KCNB2: variants seen among roughly 807,000 people sequenced by gnomAD.
KCNB2 encodes potassium voltage-gated channel subfamily B member 2.
In KCNB2, 15 loss-of-function variants were observed where a neutral mutation model predicts 61.5. That is an observed-to-expected ratio of 0.24 (90% CI 0.16 to 0.38). The LOEUF is 0.38. KCNB2 is among the 10% of genes least tolerant of loss of function. The pLI is 1.00. For missense variants in KCNB2, 828 were observed against 1,125.2 expected, an observed-to-expected ratio of 0.74 and a Z score of 3.78; for synonymous variants, 457 against 446.0, an observed-to-expected ratio of 1.02 and a Z score of -0.31.
intron 1 of KCNB2, among the ~76,000 whole-genome samples, chr8:72,540,542 T>C (rs1191984817): frequency 6.6e-6 from 1 of 152,128 alleles, no homozygotes; most frequent in Non-Finnish European, 1.5e-5. Flanking sequence ...CTAGAGATTA[T>C]GGCCTTGTTA....
chr8:72,719,077 G>C (rs1236563212), intron 2 of KCNB2, among the ~76,000 whole-genome samples: 1 of 150,486 alleles, frequency 6.6e-6, no homozygotes, highest in African/African-American at 2.4e-5. Flanking sequence ...TTTTTTTTTT[G>C]TTTTGTTCTT....
intron 2 of KCNB2, among the ~76,000 whole-genome samples, chr8:72,871,949 C>G (rs796192045): frequency 1.1e-4 from 17 of 152,290 alleles, no homozygotes; most frequent in African/African-American, 4.1e-4. Flanking sequence ...GAATGGCTTC[C>G]ATCATGCAAG....
At chr8:72,917,987 A>G (rs905230563) in intron 2 of KCNB2, among the ~76,000 whole-genome samples, 32 of 152,194 alleles carry the variant, frequency 2.1e-4, no homozygotes, top group Non-Finnish European at 4.1e-4. Context: ...AGGGTATCCA[A>G]GGTAAATAAA....
intron 1 of KCNB2, among the ~76,000 whole-genome samples, chr8:72,563,357 G>A (rs2128978551): frequency 6.6e-6 from 1 of 152,256 alleles, no homozygotes; most frequent in African/African-American, 2.4e-5. Flanking sequence ...GGGCAATGTG[G>A]AACTGAGGTG....
Position 72,869,178 on chromosome 8 carries a change from T to G in KCNB2, c.580-66757T>G, listed in dbSNP as rs189203777. 1.1e-4 allele frequency among the ~76,000 whole-genome samples: 16 copies of G among 152,322 alleles called. 1 individual carries two copies. Among genetic ancestry groups the G allele is most frequent in the African/African-American group, 3.8e-4 (16 of 41,572 alleles). On this transcript the variant is annotated intron_variant, in intron 2 of 2. Coordinates refer to ENST00000523207, the MANE Select transcript of KCNB2 (RefSeq NM_004770.3). Reference sequence around the variant, plus strand: ...GTTGAGTTACCTGCCTTGAGCTTGATGACAGCAACAGGTTTAAGTGGCCTT... The same window carrying G: ...GTTGAGTTACCTGCCTTGAGCTTGAGGACAGCAACAGGTTTAAGTGGCCTT...
At chr8:72,544,007 G>A (rs1165480765) in intron 1 of KCNB2, among the ~76,000 whole-genome samples, 1 of 152,082 alleles carries the variant, frequency 6.6e-6, no homozygotes, top group Non-Finnish European at 1.5e-5. Flanking sequence ...TAAACATTAG[G>A]GACATCCTAT....
chr8:72,934,182 G>C (rs1171760840), intron 2 of KCNB2, among the ~76,000 whole-genome samples: 1 of 151,886 alleles, frequency 6.6e-6, no homozygotes, highest in Non-Finnish European at 1.5e-5. Flanking sequence ...CTGGGCAGCA[G>C]GGCGAAACCC....
chr8:72,798,799 G>A (rs903937082), intron 2 of KCNB2, among the ~76,000 whole-genome samples: 15 of 152,118 alleles, frequency 9.9e-5, no homozygotes, highest in Non-Finnish European at 1.9e-4. Context: ...GGATTAATAC[G>A]AAAAGCCCGA....
At chr8:72,561,068 A>G (rs1469003328) in intron 1 of KCNB2, among the ~76,000 whole-genome samples, 1 of 152,122 alleles carries the variant, frequency 6.6e-6, no homozygotes, top group East Asian at 1.9e-4. Flanking sequence ...TTGCAACACA[A>G]TGCTTCCTTT....
intron 2 of KCNB2, among the ~76,000 whole-genome samples, chr8:72,778,014 T>C (rs1808684706): frequency 6.6e-6 from 1 of 152,214 alleles, no homozygotes. Context: ...GTCTTTTCTT[T>C]AGCATGGGAT....
chr8:72,592,949 A>G (rs1003065070), intron 2 of KCNB2, among the ~76,000 whole-genome samples: 1 of 152,216 alleles, frequency 6.6e-6, no homozygotes, highest in Non-Finnish European at 1.5e-5. Context: ...GTAAGCATTT[A>G]TAAGAGAATC....
At position 72,566,710 on chromosome 8, in the gene KCNB2, CAA is replaced by C. The variant is rs5892353; in HGVS notation, c.-93-918_-93-917del. Among the ~76,000 whole-genome samples the C allele has an allele frequency of 3.1e-3, 428 of 136,190 alleles. 2 individuals are homozygous for C. Among genetic ancestry groups the C allele is most frequent in the African/African-American group, 3.9e-3 (145 of 36,808 alleles). The allele number at this position is 136,190 out of a possible 152,430, so 89.3% of individuals were successfully genotyped here. On this transcript the variant is annotated intron_variant, in intron 1 of 2. Coordinates refer to ENST00000523207, the MANE Select transcript of KCNB2 (RefSeq NM_004770.3). ...TGGGCTACAGAGTGAGACTCTATTT[CAA>C]AAAAAAAAAAAAAGAAAGAAAGGAA...
chr8:72,717,258 A>G (rs1188711497), intron 2 of KCNB2, among the ~76,000 whole-genome samples: 4 of 152,256 alleles, frequency 2.6e-5, no homozygotes, highest in African/African-American at 7.2e-5. Flanking sequence ...TATAGATTCA[A>G]TGCCATCCAC....
chr8:72,576,177 T>G (rs910903295), intron 2 of KCNB2, among the ~76,000 whole-genome samples: 1 of 152,226 alleles, frequency 6.6e-6, no homozygotes, highest in Admixed American at 6.5e-5. Flanking sequence ...TTTTGAGCAT[T>G]GACTTAGCAT....
At chr8:72,754,594 C>A (rs765168260) in intron 2 of KCNB2, among the ~76,000 whole-genome samples, 1 of 152,114 alleles carries the variant, frequency 6.6e-6, no homozygotes, top group African/African-American at 2.4e-5. Flanking sequence ...CCCAGCTTTT[C>A]GGCTATCCAG....
At chr8:72,554,798 A>T (rs1806398167) in intron 1 of KCNB2, among the ~76,000 whole-genome samples, 1 of 152,116 alleles carries the variant, frequency 6.6e-6, no homozygotes, top group African/African-American at 2.4e-5. Flanking sequence ...ACTAAAACTT[A>T]TGTTTAGTTT....
intron 2 of KCNB2, among the ~76,000 whole-genome samples, chr8:72,868,361 C>T (rs555588325): frequency 6.6e-5 from 10 of 151,840 alleles, no homozygotes; most frequent in East Asian, 3.9e-4. Context: ...AGGCGGATCA[C>T]GAGGTCAAGA....
chr8:72,689,866 G>A (rs2252588), intron 2 of KCNB2, among the ~76,000 whole-genome samples: 37,686 of 151,858 alleles, frequency 0.25, 7,991 homozygotes, highest in African/African-American at 0.58. Context: ...TCTTCTGATC[G>A]TGAGTCTGGC....
intron 2 of KCNB2, among the ~76,000 whole-genome samples, chr8:72,621,169 C>T (rs965724996): frequency 1.3e-5 from 2 of 152,222 alleles, no homozygotes; most frequent in African/African-American, 2.4e-5. Flanking sequence ...AACATATGTA[C>T]ATTTCATCTC....
Sources: gnomAD v4.1 joint callset for allele counts (sites outside exome capture counted in the v4.1 genomes callset) on GRCh38, gnomAD v4.1.1 for gene constraint, MANE v1.5 for transcripts, NCBI Gene and HGNC (gene_info 2026-07-23, HGNC 2026-07-21) for gene names.